The following GALNTL6 variants were observed in gnomAD, a reference collection of about 807,000 sequenced individuals.
The protein encoded by GALNTL6 is polypeptide N-acetylgalactosaminyltransferase like 6, also known as polypeptide N-acetylgalactosaminyltransferase-like 6.
In GALNTL6, 46 loss-of-function variants were observed where a neutral mutation model predicts 73.7. That is an observed-to-expected ratio of 0.62 (90% CI 0.49 to 0.80). The LOEUF (loss-of-function observed/expected upper bound fraction) is 0.80, where lower values mean the gene tolerates loss of function less well. Ranked by LOEUF, GALNTL6 falls within the 30% of genes least tolerant of loss-of-function variation. GALNTL6 has a pLI of 0.00. For missense variants in GALNTL6, 604 were observed against 755.0 expected, an observed-to-expected ratio of 0.80 and a Z score of 2.34; for synonymous variants, 259 against 263.7, an observed-to-expected ratio of 0.98 and a Z score of 0.17.
At chr4:172,822,995 T>C (rs114581005) in intron 7 of GALNTL6, among the ~76,000 whole-genome samples, 1,779 of 152,260 alleles carry the variant, frequency 0.012, 20 homozygotes, top group Middle Eastern at 0.024. Flanking sequence ...CCCACTCTCT[T>C]CTTTCTGGCT....
At chr4:172,329,869 T>C (rs1741067967) in intron 4 of GALNTL6, among the ~76,000 whole-genome samples, 1 of 152,102 alleles carries the variant, frequency 6.6e-6, no homozygotes, top group Non-Finnish European at 1.5e-5. Context: ...AGGTCCCACT[T>C]ACTGAAGAGA....
At chr4:172,979,179 C>T (rs1750968662) in intron 10 of GALNTL6, among the ~76,000 whole-genome samples, 2 of 152,138 alleles carry the variant, frequency 1.3e-5, no homozygotes, top group Non-Finnish European at 1.5e-5. Context: ...TTTTTAATGG[C>T]CCCTGGCCAT....
At chr4:172,488,740 G>A (rs570301779) in intron 5 of GALNTL6, among the ~76,000 whole-genome samples, 23 of 151,506 alleles carry the variant, frequency 1.5e-4, no homozygotes, top group Non-Finnish European at 2.9e-4. Context: ...ACACTTGATA[G>A]AAGCGTCAAA....
intron 5 of GALNTL6, among the ~76,000 whole-genome samples, chr4:172,738,695 C>A (rs753244640): frequency 3.3e-5 from 5 of 152,058 alleles, no homozygotes; most frequent in African/African-American, 4.8e-5. Context: ...CTTAGGAGAT[C>A]CTGAGAACAC....
At chr4:172,850,546 A>G (rs1003295601) in intron 7 of GALNTL6, among the ~76,000 whole-genome samples, 4 of 152,140 alleles carry the variant, frequency 2.6e-5, no homozygotes, top group Non-Finnish European at 5.9e-5. Context: ...ATTTCTCCTC[A>G]CCAACAACCA....
chr4:172,387,547 T>C (rs1387464705), intron 5 of GALNTL6, among the ~76,000 whole-genome samples: 1 of 152,202 alleles, frequency 6.6e-6, no homozygotes, highest in Non-Finnish European at 1.5e-5. Flanking sequence ...GTCATTTTTC[T>C]CTTGCTGCTT....
intron 5 of GALNTL6, among the ~76,000 whole-genome samples, chr4:172,678,168 G>A (rs983199711): frequency 2.6e-5 from 4 of 152,162 alleles, no homozygotes; most frequent in South Asian, 2.1e-4. Context: ...CCTACAGGGC[G>A]ATTTGGCACT....
chr4:172,712,187 G>GA (rs1197760355), intron 5 of GALNTL6, among the ~76,000 whole-genome samples: 2 of 152,128 alleles, frequency 1.3e-5, no homozygotes, highest in African/African-American at 4.8e-5. Context: ...TGCACTCTAA[G>GA]AAAAAAACTT....
chr4:172,496,579 A>C (rs556531912), intron 5 of GALNTL6, among the ~76,000 whole-genome samples: 1 of 152,228 alleles, frequency 6.6e-6, no homozygotes, highest in Admixed American at 6.5e-5. Flanking sequence ...GCTACTCAGG[A>C]AGCTGAGGTG....
intron 2 of GALNTL6, chr4:172,052,478 C>A: frequency 6.5e-7 from 1 of 1,535,274 alleles, no homozygotes; most frequent in Non-Finnish European, 8.7e-7. Flanking sequence ...AGCTGGCCAC[C>A]AGAGGAATCC....
chr4:172,699,545 GAA>G (rs1415390070), intron 5 of GALNTL6, among the ~76,000 whole-genome samples: 2 of 152,078 alleles, frequency 1.3e-5, no homozygotes, highest in Non-Finnish European at 2.9e-5. Context: ...ATTTCTCTTA[GAA>G]ATAAGTCCGC....
At chr4:172,242,876 G>A (rs185165482) in intron 3 of GALNTL6, among the ~76,000 whole-genome samples, 1 of 152,314 alleles carries the variant, frequency 6.6e-6, no homozygotes, top group East Asian at 1.9e-4. Flanking sequence ...AATGTCTCCT[G>A]CCTAAACTAT....
chr4:172,738,717 G>T (rs1406508709), intron 5 of GALNTL6, among the ~76,000 whole-genome samples: 1 of 152,160 alleles, frequency 6.6e-6, no homozygotes, highest in Non-Finnish European at 1.5e-5. Flanking sequence ...TGCCCAAGGT[G>T]GTTGGGGCAC....
At chr4:172,081,738 G>A (rs1278180576) in intron 2 of GALNTL6, among the ~76,000 whole-genome samples, 1 of 152,200 alleles carries the variant, frequency 6.6e-6, no homozygotes, top group Non-Finnish European at 1.5e-5. Flanking sequence ...TGTGGGAGAA[G>A]GTAGTGCTGA....
chr4:172,611,094 A>G (rs10020818), intron 5 of GALNTL6, among the ~76,000 whole-genome samples: 2,843 of 152,068 alleles, frequency 0.019, 87 homozygotes, highest in African/African-American at 0.064. Context: ...AGCTAGGACT[A>G]TTGAAAACAG....
chr4:172,036,780 G>A (rs1191931966), intron 2 of GALNTL6, among the ~76,000 whole-genome samples: 1 of 152,022 alleles, frequency 6.6e-6, no homozygotes, highest in South Asian at 2.1e-4. Flanking sequence ...TTCTACCCTA[G>A]GGTTGTTTCC....
intron 5 of GALNTL6, among the ~76,000 whole-genome samples, chr4:172,756,072 G>A (rs1270861219): frequency 6.6e-6 from 1 of 152,132 alleles, no homozygotes; most frequent in Non-Finnish European, 1.5e-5. Flanking sequence ...AACCAAAGAG[G>A]TAGTAATCAA....
chr4:172,736,624 A>G (rs1022269745), intron 5 of GALNTL6, among the ~76,000 whole-genome samples: 10 of 152,242 alleles, frequency 6.6e-5, no homozygotes, highest in African/African-American at 2.2e-4. Flanking sequence ...CAGGCATAGG[A>G]AATTATAAGA....
At chr4:172,899,256 T>TAAG (rs1012189974) in intron 8 of GALNTL6, among the ~76,000 whole-genome samples, 5 of 152,186 alleles carry the variant, frequency 3.3e-5, no homozygotes, top group Non-Finnish European at 7.3e-5. Context: ...TGTCATAAAA[T>TAAG]AAGTGTCACC....
Sources: gnomAD v4.1 joint callset for allele counts (sites outside exome capture counted in the v4.1 genomes callset) on GRCh38, gnomAD v4.1.1 for gene constraint, MANE v1.5 for transcripts, NCBI Gene and HGNC (gene_info 2026-07-23, HGNC 2026-07-21) for gene names.